Variants in SLFN12L observed in about 807,000 individuals in gnomAD.
SLFN12L encodes the protein schlafen family member 12 like.
In SLFN12L, 34 loss-of-function variants were observed where a neutral mutation model predicts 34.8. The observed-to-expected ratio is 0.98, with a 90% CI of 0.74 to 1.30. The LOEUF (loss-of-function observed/expected upper bound fraction) is 1.30, where lower values mean the gene tolerates loss of function less well. Ranked by LOEUF, SLFN12L falls within the 50% of genes most tolerant of loss-of-function variation. The pLI is 0.00. For missense variants in SLFN12L, 703 were observed against 696.2 expected (o/e 1.01, Z -0.11); for synonymous variants, 259 against 247.5 (o/e 1.05, Z -0.44).
chr17:35,527,395 G>C (rs1367590289), intron 1 of SLFN12L, among the ~76,000 whole-genome samples: 1 of 152,116 alleles, frequency 6.6e-6, no homozygotes, highest in African/African-American at 2.4e-5. Context: ...AAACCTGGTA[G>C]AGATACAACA....
chr17:35,498,196 G>GCCGCCTGGGGAGCCGGGA, intron 2 of SLFN12L: 2 of 696,384 alleles, frequency 2.9e-6, no homozygotes. Context: ...GGGAGCCGGG[G>GCCGCCTGGGGAGCCGGGA]CCGCCTGGGA....
chr17:35,491,093 C>T, intron 2 of SLFN12L: 1 of 776,534 alleles, frequency 1.3e-6, no homozygotes. Flanking sequence ...GAACTTACTG[C>T]CTCCCCTGCT....
intron 2 of SLFN12L, among the ~76,000 whole-genome samples, chr17:35,502,703 C>T (rs147253152): frequency 0.027 from 4,094 of 151,796 alleles, 85 homozygotes; most frequent in Non-Finnish European, 0.042. Context: ...AGGTTTTCAA[C>T]AAAAGTAAAG....
chr17:35,509,957 A>T (rs1363735947), intron 2 of SLFN12L: 1 of 152,308 alleles, frequency 6.6e-6, no homozygotes, highest in Non-Finnish European at 1.5e-5. Context: ...TCAGCCTCAC[A>T]AAGTGCTGGG....
At position 35,475,892 on chromosome 17, in the gene SLFN12L, T is replaced by C. The variant is rs1042533227; in HGVS notation, c.1277-407A>G. ...TCCAGCCTGGGCAACAGCATGAGAT[T>C]CTGTCTCAAAAAAATTCTACATATA... is the stretch of plus-strand genomic sequence containing the variant. On this transcript the variant is annotated intron_variant, in intron 4 of 4. Transcript: ENST00000628453. 3.3e-5 allele frequency among the ~76,000 whole-genome samples: 5 copies of C among 149,820 alleles called. No individual in the cohort carries two copies. The South Asian group carries it at 8.4e-4, about 25-fold the overall frequency.
intron 2 of SLFN12L, among the ~76,000 whole-genome samples, chr17:35,503,781 C>T (rs1400551315): frequency 6.6e-6 from 1 of 151,910 alleles, no homozygotes; most frequent in Non-Finnish European, 1.5e-5. Context: ...AAACCCGCAC[C>T]AGCCTGAAGA....
rs1432250196 is a variant in SLFN12L at position 35,479,515 on chromosome 17, A to G, written c.767T>C (p.Leu256Ser). ...VEIKNFSTEK[L>S]LQRITEILPQ... is the part of the protein sequence containing the mutation. ...GAGAATCTCTGTAATTCGTTGTAAC[A>G]ACTTTTCAGTCGAGAAGTTTTTTAT... is the stretch of plus-strand genomic sequence containing the variant. The change falls in exon 3 of 5, where the codon TTG becomes TCG. Residue 256 changes from leucine to serine, a missense_variant. By Grantham distance (145) the Leu-to-Ser change is moderately radical (BLOSUM62 -2). Transcript: ENST00000628453. The G allele has an allele frequency of 2.5e-6, 4 of 1,614,096 alleles. No homozygotes were observed. In the East Asian group the frequency reaches 8.9e-5, roughly 36 times the overall value.
chr17:35,498,239 G>A, intron 2 of SLFN12L: 1 of 751,628 alleles, frequency 1.3e-6, no homozygotes, highest in Non-Finnish European at 2.5e-6. Flanking sequence ...GTACCGAGGA[G>A]ATCCAGATGG....
chr17:35,516,233 G>A (rs188141802), intron 2 of SLFN12L, among the ~76,000 whole-genome samples: 2 of 152,242 alleles, frequency 1.3e-5, no homozygotes, highest in African/African-American at 2.4e-5. Flanking sequence ...TATTACTTCA[G>A]CATCAAAAAG....
At chr17:35,490,139 A>G in intron 2 of SLFN12L, 2 of 1,606,070 alleles carry the variant, frequency 1.2e-6, no homozygotes, top group Non-Finnish European at 1.7e-6. Context: ...CCTCTACACC[A>G]CGCCGCAGGG....
Position 35,522,478 on chromosome 17 carries a change from T to G in SLFN12L, c.-114A>C. 1.2e-6 allele frequency: 2 copies of G among 1,613,586 alleles called. No individual in the cohort carries two copies. The highest frequency in any genetic ancestry group is 8.5e-7 in the Non-Finnish European group (1 of 1,179,754). On this transcript the variant is annotated 5_prime_UTR_variant, in exon 2 of 5. An upstream open reading frame in the 5' UTR loses its in-frame stop. Coordinates refer to ENST00000628453, the MANE Select transcript of SLFN12L (RefSeq NM_001363830.2). ...TCATACTGCTGGGCTGTGAGCAGATTTAAAACCTCATAGCTGCACAGGTCA... is the reference window on the plus strand; with the variant it reads ...TCATACTGCTGGGCTGTGAGCAGATGTAAAACCTCATAGCTGCACAGGTCA...
chr17:35,535,704 C>T (rs1388871261), intron 1 of SLFN12L, among the ~76,000 whole-genome samples: 2 of 151,860 alleles, frequency 1.3e-5, no homozygotes, highest in Non-Finnish European at 2.9e-5. Flanking sequence ...CGCCAAGGCT[C>T]GAAGGCAGTG....
At chr17:35,526,243 C>T (rs2072333731) in intron 1 of SLFN12L, among the ~76,000 whole-genome samples, 1 of 152,108 alleles carries the variant, frequency 6.6e-6, no homozygotes, top group Admixed American at 6.5e-5. Flanking sequence ...ACTTAGACTC[C>T]CACACAGTAA....
At chr17:35,486,541 A>G (rs1433032233) in intron 2 of SLFN12L, among the ~76,000 whole-genome samples, 2 of 152,162 alleles carry the variant, frequency 1.3e-5, no homozygotes, top group Non-Finnish European at 2.9e-5. Context: ...AAAACTTTCC[A>G]TGGTTCAAAA....
Position 35,477,235 on chromosome 17 carries a change from T to C in SLFN12L, c.1276+840A>G, listed in dbSNP as rs914965934. ...AGGAAAAGTGGTTATCCACATGGGATAAAATGAAATAGCCCCCTACATCAC... is the reference window on the plus strand; with the variant it reads ...AGGAAAAGTGGTTATCCACATGGGACAAAATGAAATAGCCCCCTACATCAC... On this transcript the variant is annotated intron_variant, in intron 4 of 4. Coordinates refer to ENST00000628453, the MANE Select transcript of SLFN12L (RefSeq NM_001363830.2). 8.5e-5 allele frequency among the ~76,000 whole-genome samples: 13 copies of C among 152,220 alleles called. 1 individual carries two copies. Among genetic ancestry groups the C allele is most frequent in the African/African-American group, 3.1e-4 (13 of 41,456 alleles).
At position 35,469,185 on chromosome 17, in the gene SLFN12L, G is replaced by T. The variant is rs140758197; in HGVS notation, c.*5738C>A. On this transcript the variant is annotated 3_prime_UTR_variant, in exon 5 of 5. Transcript: ENST00000628453. The stretch of plus-strand genomic sequence containing the variant: ...CTTCCTGCCCTGTGTCTCTGACCAT[G>T]ACCACTCCTCCTTGGTTATACACAC... Among the ~76,000 whole-genome samples the T allele has an allele frequency of 2.5e-3, 362 of 147,584 alleles. 1 individual carries two copies. The highest frequency in any genetic ancestry group is 8.4e-3 in the African/African-American group (333 of 39,758).
At chr17:35,487,456 C>A (rs538361973) in intron 2 of SLFN12L, among the ~76,000 whole-genome samples, 210 of 151,870 alleles carry the variant, frequency 1.4e-3, no homozygotes, top group African/African-American at 4.7e-3. Flanking sequence ...CACCTCGTCC[C>A]GGAGCCCACG....
rs752200563 is a variant in SLFN12L, at chr17:35,480,149, T to C, written c.133A>G (p.Ile45Val). ...TAGTTTGTGTCTAAATCAATACTGA[T>C]GTTCATTTTCCCAGCAGCTAAGCCA... ...GNGLAAGKMN[I>V]SIDLDTNYAE... Residue 45 changes from isoleucine (I) to valine (V), a missense_variant, in exon 3 of 5, where the codon ATC (isoleucine) becomes GTC (valine). Transcript: ENST00000628453. 2 of 1,606,368 alleles carry C rather than the reference T, an allele frequency of 1.2e-6. No homozygotes were observed. The highest frequency in any genetic ancestry group is 1.7e-6 in the Non-Finnish European group (2 of 1,176,556).
At chr17:35,486,868 A>T (rs558520509) in intron 2 of SLFN12L, among the ~76,000 whole-genome samples, 1 of 152,318 alleles carries the variant, frequency 6.6e-6, no homozygotes, top group South Asian at 2.1e-4. Context: ...GCAACCCACA[A>T]GGGTGGGACA....
Sources: gnomAD v4.1 joint callset for allele counts (sites outside exome capture counted in the v4.1 genomes callset) on GRCh38, gnomAD v4.1.1 for gene constraint, MANE v1.5 for transcripts, NCBI Gene and HGNC (gene_info 2026-07-23, HGNC 2026-07-21) for gene names.